ITGAE: variants seen among roughly 807,000 people sequenced by gnomAD.
ITGAE encodes integrin subunit alpha E.
A neutral mutation model predicts 136.5 loss-of-function variants in ITGAE; 99 were observed. The observed-to-expected ratio is 0.73, with a 90% CI of 0.62 to 0.86. ITGAE has a LOEUF of 0.86. ITGAE is among the 40% of genes least tolerant of loss of function. The probability of loss-of-function intolerance (pLI) is 0.00; values close to 1 mark genes in which losing one functional copy is unlikely to be tolerated. For missense variants in ITGAE, 1,447 were observed against 1,515.3 expected (o/e 0.95, Z 0.75); for synonymous variants, 613 against 591.8 (o/e 1.04, Z -0.52).
At chr17:3,796,193 G>GTGTGT (rs767439329) in intron 1 of ITGAE, among the ~76,000 whole-genome samples, 1 of 148,686 alleles carries the variant, frequency 6.7e-6, no homozygotes, top group Non-Finnish European at 1.5e-5. Context: ...GTGTGTGTGT[G>GTGTGT]GTGGGGTAGT....
rs202176925 is a variant in ITGAE at position 3,723,929 on chromosome 17, G to A, written c.3085-185C>T. ...TTTGCGTTTGAACCTCTTGGCGGGT[G>A]CCGGCCATGGCGGCTTCGCTCCCGG... is the stretch of plus-strand genomic sequence containing the variant. On this transcript the variant is annotated intron_variant, in intron 26 of 30. Coordinates refer to ENST00000263087, the MANE Select transcript of ITGAE (RefSeq NM_002208.5). 15 of 1,543,228 alleles carry A rather than the reference G, an allele frequency of 9.7e-6. No individual in the cohort carries two copies. The African/African-American group carries it at 1.7e-4, about 17-fold the overall frequency.
At position 3,756,385 on chromosome 17, in the gene ITGAE, C is replaced by CA. The variant is rs576551751; in HGVS notation, c.1172-489dup. Among the ~76,000 whole-genome samples the CA allele has an allele frequency of 4.7e-4, 71 of 151,318 alleles. 2 individuals are homozygous for CA. The highest frequency in any genetic ancestry group is 1.5e-3 in the African/African-American group (63 of 41,248). On this transcript the variant is annotated intron_variant, in intron 10 of 30. Coordinates refer to ENST00000263087, the MANE Select transcript of ITGAE (RefSeq NM_002208.5). ...GTAGCTGGGAATAGAGGTCATGCGC[C>CA]ACCACGCCTGGCTAATTTTTTTTTT...
At chr17:3,732,540 A>G in intron 21 of ITGAE, 74 bp from the exon 22 acceptor site, 2 of 1,263,630 alleles carry the variant, frequency 1.6e-6, no homozygotes, top group Non-Finnish European at 2.3e-6. Context: ...CCTCACAGCA[A>G]TTCAGCAAAC....
At chr17:3,751,945 C>A in intron 14 of ITGAE, 71 bp from the exon 15 acceptor site, 1 of 1,322,746 alleles carries the variant, frequency 7.6e-7, no homozygotes, top group Non-Finnish European at 1.1e-6. Flanking sequence ...CACCCCGATG[C>A]ACGCTCACTG....
intron 3 of ITGAE, among the ~76,000 whole-genome samples, chr17:3,762,778 T>G (rs1212817673): frequency 6.6e-6 from 1 of 151,816 alleles, no homozygotes; most frequent in African/African-American, 2.4e-5. Flanking sequence ...CTTTTTGTAT[T>G]TTTAGTAGAG....
At chr17:3,785,849 C>T (rs1163983147) in intron 1 of ITGAE, among the ~76,000 whole-genome samples, 1 of 151,276 alleles carries the variant, frequency 6.6e-6, no homozygotes, top group Non-Finnish European at 1.5e-5. Context: ...AAAGGGGGGA[C>T]ATCATAATAG....
chr17:3,761,780 G>A, intron 4 of ITGAE, 135 bp downstream of exon 4: 1 of 787,378 alleles, frequency 1.3e-6, no homozygotes. Flanking sequence ...TCAGCCCTGG[G>A]GTTGGCACCA....
rs745558077 is a variant in ITGAE at position 3,755,182 on chromosome 17, C to A, written c.1319G>T (p.Gly440Val). Residue 440 changes from glycine (G) to valine (V), a missense_variant, in exon 12 of 31, where the codon GGC becomes GTC. Transcript: ENST00000263087. ...CGCCGCTGTCTGGTTCAGGAAGCGG[C>A]CCCGGCGGCTGCGTGTGTCGTAGAG... ...ALLYDTRSRR[G>V]RFLNQTAAAA... 1.3e-6 allele frequency: 2 copies of A among 1,582,578 alleles called. No homozygotes were observed.
At chr17:3,723,661 C>G (rs2051109290) in intron 27 of ITGAE, 27 bp downstream of exon 27, 3 of 1,564,938 alleles carry the variant, frequency 1.9e-6, no homozygotes, top group Non-Finnish European at 2.6e-6. Flanking sequence ...CCGCCCTCCC[C>G]TGGCCTCTCG....
intron 4 of ITGAE, 31 bp downstream of exon 4, chr17:3,761,884 A>T: frequency 2.5e-6 from 4 of 1,598,382 alleles, no homozygotes; most frequent in Non-Finnish European, 3.4e-6. Flanking sequence ...AGCCTCCCTA[A>T]GGCCCTCCCT....
rs2052818531 is a variant in ITGAE at position 3,787,129 on chromosome 17, TG to T, written c.35-9470del. On this transcript the variant is annotated intron_variant, in intron 1 of 30. Coordinates refer to ENST00000263087, the MANE Select transcript of ITGAE (RefSeq NM_002208.5). ...GGGAATTTTTTTTTCCTTTTTTTTT[TG>T]AGATGGAGTCTCACTCTGTCGCCCA... Among the ~76,000 whole-genome samples, 7 of 151,950 alleles carry T rather than the reference TG, an allele frequency of 4.6e-5. No homozygotes were observed. The South Asian group carries it at 1.5e-3, about 32-fold the overall frequency.
At chr17:3,719,235 C>CAAA (rs746282209) in intron 29 of ITGAE, among the ~76,000 whole-genome samples, 148 of 66,144 alleles carry the variant, frequency 2.2e-3, no homozygotes, top group African/African-American at 5.7e-3. Flanking sequence ...GATTCTTCCT[C>CAAA]AAAAAAAAAA....
intron 26 of ITGAE, 60 bp from the exon 27 acceptor site, chr17:3,723,804 C>T (rs1006165176): frequency 6.3e-6 from 10 of 1,588,348 alleles, no homozygotes; most frequent in Admixed American, 1.8e-5. Flanking sequence ...TTTTCCGTCC[C>T]GTCCCGGCCC....
At chr17:3,791,640 G>C (rs761409957) in intron 1 of ITGAE, among the ~76,000 whole-genome samples, 24 of 152,146 alleles carry the variant, frequency 1.6e-4, no homozygotes, top group Non-Finnish European at 2.8e-4. Context: ...ATGACACGAT[G>C]TTTGGGGTTT....
chr17:3,768,296 C>A (rs2052346055), intron 2 of ITGAE, among the ~76,000 whole-genome samples: 1 of 152,092 alleles, frequency 6.6e-6, no homozygotes, highest in Non-Finnish European at 1.5e-5. Context: ...GGCAAATTTT[C>A]TTATGTTTTG....
At position 3,800,650 on chromosome 17, in the gene ITGAE, TACAG is replaced by T. The variant is rs978442596; in HGVS notation, c.34+457_34+460del. Among the ~76,000 whole-genome samples, 4 of 152,078 alleles carry T rather than the reference TACAG, an allele frequency of 2.6e-5. No individual in the cohort carries two copies. The South Asian group carries it at 6.2e-4, about 24-fold the overall frequency. ...CTGCCAACACTCACACCCTCTACCA[TACAG>T]ACACTTGCCCCCAGTCTCTGGTCAA... On this transcript the variant is annotated intron_variant, in intron 1 of 30. Coordinates refer to ENST00000263087, the MANE Select transcript of ITGAE (RefSeq NM_002208.5).
intron 26 of ITGAE, chr17:3,726,069 A>G (rs746901329): frequency 1.5e-5 from 24 of 1,614,208 alleles, no homozygotes; most frequent in Non-Finnish European, 2.0e-5. Flanking sequence ...GGACCTGTTT[A>G]CCGGTGACGG....
chr17:3,723,603 A>AC, intron 27 of ITGAE, 85 bp downstream of exon 27: 1 of 1,378,462 alleles, frequency 7.3e-7, no homozygotes, highest in Middle Eastern at 1.8e-4. Context: ...GGCAGGGGTA[A>AC]CCCAGGAAAA....
Position 3,778,295 on chromosome 17 carries a change from G to A in ITGAE, c.35-635C>T, listed in dbSNP as rs527658827. Among the ~76,000 whole-genome samples the A allele has an allele frequency of 5.3e-5, 8 of 152,308 alleles. No homozygotes were observed. In the East Asian group the frequency reaches 1.5e-3, roughly 29 times the overall value. On this transcript the variant is annotated intron_variant, in intron 1 of 30. Transcript: ENST00000263087. ...TCATTATGCTGGCCGCGCGCCAGTG[G>A]CTCATGCCTGTAATCCCAGCACTTT...
Sources: allele counts gnomAD v4.1 joint callset (sites outside exome capture counted in the v4.1 genomes callset), GRCh38; gene constraint gnomAD v4.1.1; transcripts MANE v1.5; gene names NCBI Gene and HGNC (gene_info 2026-07-23, HGNC 2026-07-21).